The following ATP10B variants were observed in gnomAD, a reference collection of about 807,000 sequenced individuals.
ATP10B encodes the protein ATPase phospholipid transporting 10B (putative).
Under a neutral mutation model 141.2 loss-of-function variants are expected in ATP10B, and 122 were observed. That is an observed-to-expected ratio of 0.86 (90% CI 0.75 to 1.00). The LOEUF is 1.00. ATP10B is among the 50% of genes least tolerant of loss of function. The probability of loss-of-function intolerance (pLI) is 0.00; values close to 1 mark genes in which losing one functional copy is unlikely to be tolerated. For synonymous variants in ATP10B, 685 were observed against 692.0 expected (o/e 0.99, Z 0.16); for missense variants, 1,876 against 1,825.3 (o/e 1.03, Z -0.51).
At chr5:160,715,829 G>A (rs1179810354) in intron 3 of ATP10B, among the ~76,000 whole-genome samples, 1 of 151,854 alleles carries the variant, frequency 6.6e-6, no homozygotes, top group Non-Finnish European at 1.5e-5. Context: ...CTCTGACTCA[G>A]CCTCCTGAGT....
At chr5:160,703,931 C>T (rs192717383) in intron 3 of ATP10B, among the ~76,000 whole-genome samples, 3 of 152,226 alleles carry the variant, frequency 2.0e-5, no homozygotes, top group Admixed American at 2.0e-4. Context: ...TCTCCTTGTA[C>T]GTTTTCATCA....
chr5:160,573,656 C>T (rs1223746846), intron 24 of ATP10B, among the ~76,000 whole-genome samples: 1 of 152,094 alleles, frequency 6.6e-6, no homozygotes, highest in Non-Finnish European at 1.5e-5. Flanking sequence ...GTTGCATGCT[C>T]CTTATGAGAC....
the ATP10B span, among the ~76,000 whole-genome samples, chr5:160,882,980 C>T: frequency 2.6e-5 from 4 of 151,606 alleles, no homozygotes; most frequent in African/African-American, 9.7e-5. Flanking sequence ...GAAGCCAACA[C>T]AAAAATAAAT....
the ATP10B span, among the ~76,000 whole-genome samples, chr5:160,902,013 G>T: frequency 6.6e-6 from 1 of 152,154 alleles, no homozygotes; most frequent in Non-Finnish European, 1.5e-5. Flanking sequence ...CACGATCCAA[G>T]CTCTCATCTG....
the ATP10B span, among the ~76,000 whole-genome samples, chr5:160,912,722 AAG>A: frequency 1.8e-3 from 276 of 152,088 alleles, no homozygotes; most frequent in African/African-American, 6.4e-3. Context: ...GAAGAAAGAA[AAG>A]AGAGAGAGAG....
At position 160,670,662 on chromosome 5, in the gene ATP10B, TC is replaced by T; in HGVS notation, c.475del (p.Glu159SerfsTer20). 1 of 1,613,234 alleles carries T rather than the reference TC, an allele frequency of 6.2e-7. No homozygotes were observed. Among genetic ancestry groups the T allele is most frequent in the Non-Finnish European group, 8.5e-7 (1 of 1,179,714 alleles). On this transcript the variant is annotated frameshift_variant, in exon 7 of 26. Transcript: ENST00000327245. LOFTEE classifies it high-confidence loss of function. Reference sequence around the variant, plus strand: ...CCAGCACTTCTGCACATAGGTCTGCTCTTTTCTTGGGTGAGAGAAAGACAGG... The same window carrying T: ...CCAGCACTTCTGCACATAGGTCTGCTTTTTCTTGGGTGAGAGAAAGACAGG... ...CSNIRIYERK[E>X]QTYVQKCWKD...
intron 2 of ATP10B, among the ~76,000 whole-genome samples, chr5:160,742,661 A>C (rs1767557773): frequency 6.6e-6 from 1 of 152,190 alleles, no homozygotes; most frequent in Non-Finnish European, 1.5e-5. Context: ...GGCAGTGTCT[A>C]CTTCTGGAAA....
At chr5:160,889,998 T>C in the ATP10B span, among the ~76,000 whole-genome samples, 1 of 152,218 alleles carries the variant, frequency 6.6e-6, no homozygotes, top group Non-Finnish European at 1.5e-5. Context: ...TTTGGAAGAT[T>C]CATTTGCCAT....
At chr5:160,597,650 A>T (rs1756801348) in intron 22 of ATP10B, among the ~76,000 whole-genome samples, 1 of 152,144 alleles carries the variant, frequency 6.6e-6, no homozygotes, top group Non-Finnish European at 1.5e-5. Flanking sequence ...TACTCATCTG[A>T]CAAAGGGCTA....
chr5:160,811,760 T>TGG (rs1477438072), intron 1 of ATP10B, among the ~76,000 whole-genome samples: 1 of 152,124 alleles, frequency 6.6e-6, no homozygotes, highest in Non-Finnish European at 1.5e-5. Context: ...ACCAAGGGCC[T>TGG]GGGGGAACTC....
At chr5:160,636,787 T>C (rs1022168034) in intron 10 of ATP10B, among the ~76,000 whole-genome samples, 6 of 151,928 alleles carry the variant, frequency 3.9e-5, no homozygotes, top group African/African-American at 7.3e-5. Context: ...CATCCATCCA[T>C]CCACCTACCC....
intron 2 of ATP10B, among the ~76,000 whole-genome samples, chr5:160,741,735 G>A (rs1275992451): frequency 6.6e-6 from 1 of 152,150 alleles, no homozygotes; most frequent in Admixed American, 6.5e-5. Context: ...AGAAAATTCT[G>A]CTGCAGAATT....
the ATP10B span, among the ~76,000 whole-genome samples, chr5:160,877,812 G>A: frequency 2.4e-5 from 3 of 123,948 alleles, no homozygotes; most frequent in African/African-American, 7.8e-5. Flanking sequence ...AAAATACCTA[G>A]GAATCCAACT....
At chr5:160,798,744 AT>A (rs35866347) in intron 1 of ATP10B, among the ~76,000 whole-genome samples, 24,862 of 102,554 alleles carry the variant, frequency 0.24, 2,000 homozygotes, top group Non-Finnish European at 0.27. Context: ...CTTTTTCTCT[AT>A]TTTTTTTTTT....
intron 3 of ATP10B, among the ~76,000 whole-genome samples, chr5:160,697,603 G>C (rs1302725492): frequency 3.3e-5 from 5 of 152,038 alleles, no homozygotes; most frequent in Non-Finnish European, 7.4e-5. Context: ...ATGCAGGGTG[G>C]GGTGGGGTGG....
At chr5:160,599,058 G>A (rs1756928073) in intron 21 of ATP10B, 88 bp from the exon 22 acceptor site, 4 of 1,236,622 alleles carry the variant, frequency 3.2e-6, no homozygotes, top group Non-Finnish European at 4.7e-6. Flanking sequence ...AGCTGCTGGA[G>A]TGGCAGTTGC....
chr5:160,767,635 A>ACCCACAC (rs1554113839), intron 2 of ATP10B, among the ~76,000 whole-genome samples: 1 of 86,666 alleles, frequency 1.2e-5, no homozygotes, highest in East Asian at 4.7e-4. Flanking sequence ...TGTGTGCAGA[A>ACCCACAC]CCCCCCCCCC....
At chr5:160,803,450 G>T (rs1461011445) in intron 1 of ATP10B, among the ~76,000 whole-genome samples, 1 of 152,152 alleles carries the variant, frequency 6.6e-6, no homozygotes, top group South Asian at 2.1e-4. Flanking sequence ...GGCTGAGGAG[G>T]GCAGATCACA....
chr5:160,860,172 C>T, the ATP10B span, among the ~76,000 whole-genome samples: 1 of 151,762 alleles, frequency 6.6e-6, no homozygotes, highest in Non-Finnish European at 1.5e-5. Flanking sequence ...TAATTTGGCT[C>T]ATGAAATGAA....
Sources: allele counts gnomAD v4.1 joint callset (sites outside exome capture counted in the v4.1 genomes callset), GRCh38; gene constraint gnomAD v4.1.1; transcripts MANE v1.5; gene names NCBI Gene and HGNC (gene_info 2026-07-23, HGNC 2026-07-21).